Variants in SIK3 observed in about 807,000 individuals in gnomAD.
SIK3 encodes SIK family kinase 3.
Under a neutral mutation model 144.2 loss-of-function variants are expected in SIK3, and 28 were observed. The ratio of observed to expected loss-of-function variants is 0.19; its 90% CI spans 0.14 to 0.27. The LOEUF (loss-of-function observed/expected upper bound fraction) is 0.27, where lower values mean the gene tolerates loss of function less well. Among genes scored for constraint, SIK3 ranks in the 10% least tolerant of loss-of-function variants. SIK3 has a pLI of 1.00. For synonymous variants in SIK3, 686 were observed against 676.3 expected (o/e 1.01, Z -0.22); for missense variants, 1,319 against 1,776.0 (o/e 0.74, Z 4.62).
chr11:116,878,102 C>A (rs1188599315), intron 6 of SIK3, among the ~76,000 whole-genome samples: 1 of 152,082 alleles, frequency 6.6e-6, no homozygotes, highest in Non-Finnish European at 1.5e-5. Context: ...TTGGGGGATC[C>A]AAATCCCCCA....
chr11:116,997,845 A>G (rs1442016356), intron 1 of SIK3, among the ~76,000 whole-genome samples: 1 of 152,216 alleles, frequency 6.6e-6, no homozygotes, highest in African/African-American at 2.4e-5. Flanking sequence ...CTTTGTTGAC[A>G]GTGAATGTTA....
chr11:117,016,330 A>AAAAGG (rs1555128098), intron 1 of SIK3, among the ~76,000 whole-genome samples: 6 of 132,198 alleles, frequency 4.5e-5, no homozygotes, highest in African/African-American at 1.7e-4. Context: ...TGCGAAAAAA[A>AAAAGG]AAGGAAGGAA....
At chr11:116,848,812 A>G (rs1345897308) in intron 22 of SIK3, among the ~76,000 whole-genome samples, 2 of 152,136 alleles carry the variant, frequency 1.3e-5, no homozygotes, top group Admixed American at 1.3e-4. Flanking sequence ...AAAATACAAA[A>G]ATTAGCCAGG....
chr11:116,951,661 G>A (rs1406050273), intron 3 of SIK3, among the ~76,000 whole-genome samples: 3 of 152,160 alleles, frequency 2.0e-5, no homozygotes, highest in Admixed American at 2.0e-4. Context: ...CCTGCTGGGT[G>A]CAGTAGCTCA....
chr11:117,088,526 A>T (rs1335793529), intron 1 of SIK3, among the ~76,000 whole-genome samples: 2 of 152,238 alleles, frequency 1.3e-5, no homozygotes, highest in Non-Finnish European at 2.9e-5. Flanking sequence ...CCTTATATTC[A>T]TGTACTCAAT....
intron 6 of SIK3, among the ~76,000 whole-genome samples, chr11:116,893,299 G>T (rs193023260): frequency 3.5e-4 from 53 of 152,208 alleles, no homozygotes; most frequent in African/African-American, 1.2e-3. Context: ...CAGCAGGGGA[G>T]GGAGGCAGGA....
At chr11:116,913,608 A>G (rs1946455159) in intron 4 of SIK3, among the ~76,000 whole-genome samples, 1 of 152,240 alleles carries the variant, frequency 6.6e-6, no homozygotes, top group African/African-American at 2.4e-5. Context: ...ACATGCAAAC[A>G]GTACTCATCG....
At chr11:117,041,497 A>G (rs1038459415) in intron 1 of SIK3, among the ~76,000 whole-genome samples, 1 of 152,214 alleles carries the variant, frequency 6.6e-6, no homozygotes, top group Non-Finnish European at 1.5e-5. Flanking sequence ...TCCTCCTAAT[A>G]TATTTAAGCA....
chr11:116,978,096 T>C (rs1289968666), intron 1 of SIK3, among the ~76,000 whole-genome samples: 1 of 152,060 alleles, frequency 6.6e-6, no homozygotes, highest in East Asian at 1.9e-4. Flanking sequence ...CATGCACCTG[T>C]AGTCCCAGCT....
At chr11:116,887,489 C>T (rs867655718) in intron 6 of SIK3, among the ~76,000 whole-genome samples, 6 of 151,838 alleles carry the variant, frequency 4.0e-5, no homozygotes, top group Middle Eastern at 3.4e-3. Context: ...TGGTGGCACG[C>T]ACCTGTAGTC....
At chr11:117,031,423 G>T in intron 1 of SIK3, among the ~76,000 whole-genome samples, 1 of 150,360 alleles carries the variant, frequency 6.7e-6, no homozygotes, top group African/African-American at 2.4e-5. Context: ...TATTTAAAAG[G>T]CTATCCTTCC....
At chr11:116,924,539 C>A (rs1490697888) in intron 4 of SIK3, among the ~76,000 whole-genome samples, 1 of 152,116 alleles carries the variant, frequency 6.6e-6, no homozygotes, top group Non-Finnish European at 1.5e-5. Flanking sequence ...CTTCATTAAG[C>A]CTTTTTCAAA....
chr11:117,018,545 TGGAACAGGAA>T (rs1452361890), intron 1 of SIK3, among the ~76,000 whole-genome samples: 2 of 151,764 alleles, frequency 1.3e-5, no homozygotes, highest in East Asian at 3.9e-4. Context: ...GTAACACAAA[TGGAACAGGAA>T]GGAAAGAGCT....
intron 1 of SIK3, among the ~76,000 whole-genome samples, chr11:116,978,454 A>G (rs1268395104): frequency 6.6e-6 from 1 of 151,976 alleles, no homozygotes; most frequent in Non-Finnish European, 1.5e-5. Flanking sequence ...GTATCCCCAA[A>G]CAACATATTG....
At chr11:116,870,644 T>G (rs139640169) in intron 13 of SIK3, among the ~76,000 whole-genome samples, 1 of 152,228 alleles carries the variant, frequency 6.6e-6, no homozygotes, top group Non-Finnish European at 1.5e-5. Flanking sequence ...ATCTAACAAA[T>G]AGCCAAATGC....
Position 116,873,522 on chromosome 11 carries a change from T to C in SIK3, c.1696A>G (p.Lys566Glu). Residue 566 changes from lysine (K) to glutamate (E), a missense_variant, in exon 13 of 25, where the codon AAG becomes GAG. Lys to Glu is a moderately conservative substitution (Grantham distance 56). Transcript: ENST00000445177. The stretch of plus-strand genomic sequence containing the variant: ...AGCGGAGAGGGTCCCCGTGGGCGCT[T>C]CAGCAGCTGCTGGGCATGCAGTTGG... Reference protein sequence around the residue: ...NIQLHAQQLLKRPRGPSPLVT... With the variant: ...NIQLHAQQLLERPRGPSPLVT... 1 of 1,613,694 alleles carries C rather than the reference T, an allele frequency of 6.2e-7. No homozygotes were observed. Among genetic ancestry groups the C allele is most frequent in the Non-Finnish European group, 8.5e-7 (1 of 1,179,852 alleles).
intron 21 of SIK3, among the ~76,000 whole-genome samples, chr11:116,852,216 C>T (rs1942516895): frequency 1.3e-5 from 2 of 152,306 alleles, no homozygotes; most frequent in South Asian, 2.1e-4. Flanking sequence ...GGCTCTTTTC[C>T]TTCCCTCTCT....
At chr11:116,954,182 C>T (rs1176425000) in intron 2 of SIK3, 75 bp from the exon 3 acceptor site, 20 of 1,144,436 alleles carry the variant, frequency 1.7e-5, no homozygotes, top group Middle Eastern at 2.0e-4. Context: ...CTAATGACTC[C>T]TCTTTTCTCA....
chr11:117,019,804 G>A (rs1003089483), intron 1 of SIK3, among the ~76,000 whole-genome samples: 7 of 151,684 alleles, frequency 4.6e-5, no homozygotes, highest in African/African-American at 7.3e-5. Context: ...TAGTACAGAC[G>A]GGATTTCACC....
Sources: allele counts gnomAD v4.1 joint callset (sites outside exome capture counted in the v4.1 genomes callset), GRCh38; gene constraint gnomAD v4.1.1; transcripts MANE v1.5; gene names NCBI Gene and HGNC (gene_info 2026-07-23, HGNC 2026-07-21).